Variants in PRKCA observed in about 807,000 individuals in gnomAD.
PRKCA encodes the protein protein kinase C alpha, also known as protein kinase C alpha type.
A neutral mutation model predicts 87.0 loss-of-function variants in PRKCA; 27 were observed. The ratio of observed to expected loss-of-function variants is 0.31; its 90% CI spans 0.23 to 0.43. The LOEUF (loss-of-function observed/expected upper bound fraction) is 0.43. Ranked by LOEUF, PRKCA falls within the 20% of genes least tolerant of loss-of-function variation. PRKCA has a pLI of 1.00. For missense variants in PRKCA, 518 were observed against 852.3 expected (o/e 0.61, Z 4.88); for synonymous variants, 329 against 311.1 (o/e 1.06, Z -0.61).
At chr17:66,333,705 C>T (rs1483361057) in intron 2 of PRKCA, among the ~76,000 whole-genome samples, 1 of 152,050 alleles carries the variant, frequency 6.6e-6, no homozygotes. Flanking sequence ...TCAGCCTCCC[C>T]CAGGAACCAG....
chr17:66,656,485 A>G (rs1971736419), intron 5 of PRKCA, among the ~76,000 whole-genome samples: 1 of 151,928 alleles, frequency 6.6e-6, no homozygotes, highest in Non-Finnish European at 1.5e-5. Flanking sequence ...TAGGATTATC[A>G]TTTAAGCACA....
intron 2 of PRKCA, among the ~76,000 whole-genome samples, chr17:66,378,322 G>T (rs924637031): frequency 1.3e-5 from 2 of 152,018 alleles, no homozygotes; most frequent in Non-Finnish European, 2.9e-5. Context: ...TCAAAAAAAT[G>T]TTCTTCTGAT....
At position 66,566,478 on chromosome 17, in the gene PRKCA, TGG is replaced by T. The variant is rs1491435441; in HGVS notation, c.288+70196_288+70197del. Among the ~76,000 whole-genome samples the T allele has an allele frequency of 9.6e-3, 1,151 of 120,260 alleles. 16 individuals are homozygous for T. Among genetic ancestry groups the T allele is most frequent in the African/African-American group, 0.019 (578 of 30,434 alleles). The allele number at this position is 120,260 out of a possible 152,430, so 78.9% of individuals were successfully genotyped here. A position where few individuals can be genotyped will look rare whatever the true frequency, so the allele number is the denominator to read the frequency against. On this transcript the variant is annotated intron_variant, in intron 3 of 16. Coordinates refer to ENST00000413366, the MANE Select transcript of PRKCA (RefSeq NM_002737.3). Reference sequence around the variant, plus strand: ...ATTGTGAAGAACTGTTGTTGTTTTTTGGTTTTTTTTTTTTTTTTTTTTTTGCA... The same window carrying T: ...ATTGTGAAGAACTGTTGTTGTTTTTTTTTTTTTTTTTTTTTTTTTTTTGCA...
chr17:66,574,766 A>G (rs1969183368), intron 3 of PRKCA, among the ~76,000 whole-genome samples: 1 of 152,070 alleles, frequency 6.6e-6, no homozygotes, highest in African/African-American at 2.4e-5. Flanking sequence ...TTCTGGTCCC[A>G]AGCATTTTGG....
chr17:66,539,142 C>A (rs1859755018), intron 3 of PRKCA, among the ~76,000 whole-genome samples: 1 of 152,200 alleles, frequency 6.6e-6, no homozygotes, highest in Non-Finnish European at 1.5e-5. Flanking sequence ...GTGTAGACAT[C>A]ATTGTATTTC....
At chr17:66,529,920 T>C (rs1344005690) in intron 3 of PRKCA, among the ~76,000 whole-genome samples, 5 of 152,204 alleles carry the variant, frequency 3.3e-5, no homozygotes, top group Non-Finnish European at 7.3e-5. Flanking sequence ...CAGATACTTT[T>C]CCTTCCTCCT....
chr17:66,773,151 A>C (rs1225142653), intron 13 of PRKCA, among the ~76,000 whole-genome samples: 7 of 152,150 alleles, frequency 4.6e-5, no homozygotes, highest in African/African-American at 1.7e-4. Flanking sequence ...TTTTCTAACT[A>C]GTCAACATAC....
At chr17:66,781,891 T>A (rs930816407) in intron 14 of PRKCA, among the ~76,000 whole-genome samples, 3 of 135,522 alleles carry the variant, frequency 2.2e-5, no homozygotes, top group East Asian at 2.3e-4. Flanking sequence ...ATATATAGTG[T>A]GTGTGTGTGT....
At chr17:66,587,005 T>C (rs904690686) in intron 3 of PRKCA, among the ~76,000 whole-genome samples, 12 of 152,156 alleles carry the variant, frequency 7.9e-5, no homozygotes, top group African/African-American at 2.9e-4. Flanking sequence ...GATGCCATTA[T>C]GAATGGTCTC....
chr17:66,336,549 A>G (rs1012568098), intron 2 of PRKCA, among the ~76,000 whole-genome samples: 80 of 135,430 alleles, frequency 5.9e-4, no homozygotes, highest in Middle Eastern at 3.8e-3. Flanking sequence ...GGATTTGGCT[A>G]TTCATTGTGC....
chr17:66,556,706 G>C (rs113623642), intron 3 of PRKCA, among the ~76,000 whole-genome samples: 4 of 152,044 alleles, frequency 2.6e-5, no homozygotes, highest in Non-Finnish European at 2.9e-5. Context: ...GTTTTATAAG[G>C]GGCTTCCCCC....
At chr17:66,478,918 A>T (rs1046591547) in intron 2 of PRKCA, among the ~76,000 whole-genome samples, 4 of 152,196 alleles carry the variant, frequency 2.6e-5, no homozygotes, top group African/African-American at 9.7e-5. Flanking sequence ...TTACTGTAAA[A>T]ACTCTGGAAG....
Position 66,687,244 on chromosome 17 carries a change from G to T in PRKCA, c.663G>T (p.Pro221=). 4 of 1,613,970 alleles carry T rather than the reference G, an allele frequency of 2.5e-6. No homozygotes were observed. Among genetic ancestry groups the T allele is most frequent in the South Asian group, 1.1e-5 (1 of 91,072 alleles). ...KTKTIRSTLN[P]QWNESFTFKL... The stretch of plus-strand genomic sequence containing the variant: ...AAACCATCCGCTCCACACTAAATCC[G>T]CAGTGGAATGAGTCCTTTACATTGT... The change falls in exon 6 of 17, where the codon CCG becomes CCT. Residue 221 remains proline, a synonymous_variant. Coordinates refer to ENST00000413366, the MANE Select transcript of PRKCA (RefSeq NM_002737.3).
chr17:66,439,729 T>C (rs1484990412), intron 2 of PRKCA, among the ~76,000 whole-genome samples: 1 of 152,214 alleles, frequency 6.6e-6, no homozygotes, highest in Non-Finnish European at 1.5e-5. Context: ...CAAAGGATAC[T>C]ATAGGTCATG....
At chr17:66,560,831 G>A (rs540478330) in intron 3 of PRKCA, among the ~76,000 whole-genome samples, 1 of 152,238 alleles carries the variant, frequency 6.6e-6, no homozygotes, top group South Asian at 2.1e-4. Context: ...TCATTCTGCT[G>A]GGCAAGTCTG....
chr17:66,360,749 C>A (rs1431641498), intron 2 of PRKCA, among the ~76,000 whole-genome samples: 1 of 152,166 alleles, frequency 6.6e-6, no homozygotes, highest in Non-Finnish European at 1.5e-5. Flanking sequence ...GTCATCCGAA[C>A]TGGATAATGC....
At position 66,459,118 on chromosome 17, in the gene PRKCA, AT is replaced by A. The variant is rs1446036955; in HGVS notation, c.206-37082del. ...TTGAGCACACTGGCTTACGCCTGTA[AT>A]CCTAACACTTTGGGAGATTGAGGTG... On this transcript the variant is annotated intron_variant, in intron 2 of 16. Coordinates refer to ENST00000413366, the MANE Select transcript of PRKCA (RefSeq NM_002737.3). Among the ~76,000 whole-genome samples, 9 of 152,198 alleles carry A rather than the reference AT, an allele frequency of 5.9e-5. No homozygotes were observed. In the South Asian group the frequency reaches 1.9e-3, roughly 32 times the overall value.
At chr17:66,336,769 T>TGTGTGCGTGC (rs1906711530) in intron 2 of PRKCA, among the ~76,000 whole-genome samples, 1 of 98,852 alleles carries the variant, frequency 1.0e-5, no homozygotes. Context: ...TGTGTGTGTG[T>TGTGTGCGTGC]GTGTGTGTGT....
rs190878667 is a variant in PRKCA, at chr17:66,633,101, G to A, written c.289-8254G>A. Among the ~76,000 whole-genome samples the A allele has an allele frequency of 1.1e-4, 16 of 152,248 alleles. No homozygotes were observed. The South Asian group carries it at 1.5e-3, about 14-fold the overall frequency. ...ATCAGTATGGTCAGAGGCCAAGTGC[G>A]ATCCTAAGCCCAAATGGAGAGTGGG... On this transcript the variant is annotated intron_variant, in intron 3 of 16. Transcript: ENST00000413366.
Sources: allele counts gnomAD v4.1 joint callset (sites outside exome capture counted in the v4.1 genomes callset), GRCh38; gene constraint gnomAD v4.1.1; transcripts MANE v1.5; gene names NCBI Gene and HGNC (gene_info 2026-07-23, HGNC 2026-07-21).